The following PEX7 variants were observed in gnomAD, a reference collection of about 807,000 sequenced individuals.
PEX7 encodes the protein PTS2 receptor.
Under a neutral mutation model 47.5 loss-of-function variants are expected in PEX7, and 34 were observed. The observed-to-expected ratio is 0.72, with a 90% CI of 0.54 to 0.95. The LOEUF is 0.95. Among genes scored for constraint, PEX7 ranks in the 40% least tolerant of loss-of-function variants. The pLI, the probability that PEX7 is intolerant of heterozygous loss-of-function variation, is 0.00. For missense variants in PEX7, 394 were observed against 400.3 expected (o/e 0.98, Z 0.13); for synonymous variants, 141 against 148.8 (o/e 0.95, Z 0.38).
intron 5 of PEX7, among the ~76,000 whole-genome samples, chr6:136,863,377 T>G (rs936258230): frequency 6.6e-6 from 1 of 151,920 alleles, no homozygotes; most frequent in Non-Finnish European, 1.5e-5. Flanking sequence ...ATCAAAGTGG[T>G]TTTCAACCTT....
At chr6:136,874,968 C>T (rs190309629) in intron 8 of PEX7, among the ~76,000 whole-genome samples, 16 of 151,880 alleles carry the variant, frequency 1.1e-4, no homozygotes, top group Non-Finnish European at 1.9e-4. Context: ...GGTGAAACCC[C>T]GTCTCTACTA....
At chr6:136,846,321 C>A in intron 5 of PEX7, 140 bp downstream of exon 5, 1 of 447,294 alleles carries the variant, frequency 2.2e-6, no homozygotes, top group Non-Finnish European at 4.0e-6. Context: ...TAAGACTTTA[C>A]TTCTTTTTTT....
chr6:136,859,590 T>C (rs865948221), intron 5 of PEX7, among the ~76,000 whole-genome samples: 4 of 152,174 alleles, frequency 2.6e-5, no homozygotes, highest in Middle Eastern at 3.4e-3. Context: ...AAAGTACCCT[T>C]TTGCTACTCA....
At chr6:136,830,121 G>A (rs1774268076) in intron 3 of PEX7, 6 of 681,014 alleles carry the variant, frequency 8.8e-6, no homozygotes, top group South Asian at 8.1e-5. Flanking sequence ...TCTTGGATTT[G>A]AATCCCAGCT....
intron 5 of PEX7, among the ~76,000 whole-genome samples, chr6:136,850,595 A>C (rs1049612030): frequency 2.0e-5 from 3 of 152,200 alleles, no homozygotes; most frequent in Non-Finnish European, 4.4e-5. Flanking sequence ...ACTCCTAAAG[A>C]ATAATTCCTA....
intron 8 of PEX7, among the ~76,000 whole-genome samples, chr6:136,891,753 G>A (rs1582773418): frequency 6.6e-6 from 1 of 151,116 alleles, no homozygotes; most frequent in Middle Eastern, 3.4e-3. Flanking sequence ...CGATCCTCCT[G>A]CCTCAGCCTC....
chr6:136,857,295 A>T (rs974455144), intron 5 of PEX7, among the ~76,000 whole-genome samples: 8 of 152,250 alleles, frequency 5.3e-5, no homozygotes, highest in Non-Finnish European at 1.0e-4. Context: ...TTACATAGCC[A>T]AACACGAAAA....
At chr6:136,901,786 TTTTG>T (rs1215692528) in intron 9 of PEX7, among the ~76,000 whole-genome samples, 1 of 152,188 alleles carries the variant, frequency 6.6e-6, no homozygotes, top group African/African-American at 2.4e-5. Context: ...TAAGTTTTAT[TTTTG>T]TTTGTTTGTT....
At chr6:136,872,019 T>A (rs1355013336) in intron 7 of PEX7, among the ~76,000 whole-genome samples, 179 bp from the exon 8 acceptor site, 1 of 152,324 alleles carries the variant, frequency 6.6e-6, no homozygotes, top group Non-Finnish European at 1.5e-5. Flanking sequence ...TGGATACTTA[T>A]AAGGCCAGAA....
In PEX7 at chr6:136,822,785, C is replaced by T. The variant is rs61753238; in HGVS notation, c.120C>T (p.Tyr40=). The T allele has an allele frequency of 8.9e-6, 12 of 1,349,960 alleles. No individual in the cohort carries two copies. Among genetic ancestry groups the T allele is most frequent in the Admixed American group, 3.7e-5 (1 of 27,338 alleles). The allele number at this position is 1,349,960 out of a possible 1,614,324, so 83.6% of individuals were successfully genotyped here. A position where few individuals can be genotyped will look rare whatever the true frequency, so the allele number is the denominator to read the frequency against. The part of the protein sequence containing the change: ...GRLACATAQH[Y]GIAGCGTLLI... ...TGGCCTGCGCCACCGCGCAGCACTACGGCATCGCGGGTGAGGCGGCGCCGC... is the reference window on the plus strand; with the variant it reads ...TGGCCTGCGCCACCGCGCAGCACTATGGCATCGCGGGTGAGGCGGCGCCGC... Residue 40 remains tyrosine, a synonymous_variant, in exon 1 of 10, where the codon TAC becomes TAT. Coordinates refer to ENST00000318471, the MANE Select transcript of PEX7 (RefSeq NM_000288.4).
At chr6:136,879,821 A>G (rs1157935301) in intron 8 of PEX7, among the ~76,000 whole-genome samples, 1 of 150,808 alleles carries the variant, frequency 6.6e-6, no homozygotes, top group Non-Finnish European at 1.5e-5. Flanking sequence ...TCTTTATCTC[A>G]TTTTCATTCT....
intron 5 of PEX7, among the ~76,000 whole-genome samples, chr6:136,865,498 C>G (rs989849563): frequency 4.6e-5 from 7 of 152,100 alleles, no homozygotes; most frequent in African/African-American, 1.7e-4. Flanking sequence ...AGGGTTTCAT[C>G]ATGTTGGCCA....
chr6:136,911,013 T>TA (rs1399634645), intron 9 of PEX7, among the ~76,000 whole-genome samples: 1 of 152,188 alleles, frequency 6.6e-6, no homozygotes, highest in Non-Finnish European at 1.5e-5. Context: ...AATTCACATA[T>TA]ATTGAAATTT....
chr6:136,856,072 CAG>C (rs550511058), intron 5 of PEX7, among the ~76,000 whole-genome samples: 201 of 152,194 alleles, frequency 1.3e-3, no homozygotes, highest in African/African-American at 3.9e-3. Context: ...GACTGAATAA[CAG>C]AAGATGAATT....
At position 136,822,745 on chromosome 6, in the gene PEX7, A is replaced by C. The variant is rs1774100417; in HGVS notation, c.80A>C (p.Tyr27Ser). 1 of 1,495,772 alleles carries C rather than the reference A, an allele frequency of 6.7e-7. No individual in the cohort carries two copies. The highest frequency in any genetic ancestry group is 8.8e-7 in the Non-Finnish European group (1 of 1,130,080). 92.7% of individuals were successfully genotyped at this position (1,495,772 alleles called of 1,614,324 possible). A position where few individuals can be genotyped will look rare whatever the true frequency, so the allele number is the denominator to read the frequency against. ...RHGYAAEFSPYLPGRLACATA... is the reference protein window; with the variant it reads ...RHGYAAEFSPSLPGRLACATA... ...GGCTACGCCGCCGAGTTCTCCCCGT[A>C]CCTGCCGGGCCGCCTGGCCTGCGCC... is the stretch of plus-strand genomic sequence containing the variant. The change falls in exon 1 of 10, where the codon TAC (tyrosine) becomes TCC (serine). Residue 27 changes from tyrosine (Y) to serine (S), a missense_variant. Physicochemically the swap from Tyr to Ser is moderately radical, Grantham distance 144. Transcript: ENST00000318471.
chr6:136,829,924 G>C, intron 3 of PEX7: 1 of 688,356 alleles, frequency 1.5e-6, no homozygotes. Flanking sequence ...ACAACAGAGT[G>C]AGACCCTGTC....
At chr6:136,835,443 C>T (rs948408300) in intron 3 of PEX7, among the ~76,000 whole-genome samples, 13 of 151,920 alleles carry the variant, frequency 8.6e-5, no homozygotes, top group African/African-American at 2.2e-4. Flanking sequence ...TGTGTGCCAC[C>T]GTGCTTGGCT....
At chr6:136,865,027 G>A (rs138113092) in intron 5 of PEX7, among the ~76,000 whole-genome samples, 1 of 152,262 alleles carries the variant, frequency 6.6e-6, no homozygotes, top group African/African-American at 2.4e-5. Context: ...TATTCATCTT[G>A]TCATCTTTTG....
At chr6:136,846,393 C>T (rs896456977) in intron 5 of PEX7, among the ~76,000 whole-genome samples, 16 of 151,754 alleles carry the variant, frequency 1.1e-4, no homozygotes, top group Non-Finnish European at 8.8e-5. Flanking sequence ...GCACAACGTG[C>T]GGGTTTGTTA....
Sources: gnomAD v4.1 joint callset for allele counts (sites outside exome capture counted in the v4.1 genomes callset) on GRCh38, gnomAD v4.1.1 for gene constraint, MANE v1.5 for transcripts, NCBI Gene and HGNC (gene_info 2026-07-23, HGNC 2026-07-21) for gene names.